ZSWIM6: variants seen among roughly 807,000 people sequenced by gnomAD.
ZSWIM6 encodes the protein zinc finger SWIM domain-containing protein 6.
A neutral mutation model predicts 113.2 loss-of-function variants in ZSWIM6; 9 were observed. That is an observed-to-expected ratio of 0.08 (90% CI 0.05 to 0.14). The LOEUF (loss-of-function observed/expected upper bound fraction) is 0.14. Ranked by LOEUF, ZSWIM6 falls within the 10% of genes least tolerant of loss-of-function variation. The pLI, the probability that ZSWIM6 is intolerant of heterozygous loss-of-function variation, is 1.00. For missense variants in ZSWIM6, 1,162 were observed against 1,552.2 expected (o/e 0.75, Z 4.22); for synonymous variants, 611 against 606.5 (o/e 1.01, Z -0.11).
intron 1 of ZSWIM6, among the ~76,000 whole-genome samples, chr5:61,346,192 C>T (rs2112032986): frequency 6.6e-6 from 1 of 152,236 alleles, no homozygotes; most frequent in Admixed American, 6.5e-5. Context: ...TCAGGTGATC[C>T]ACCCATCTCT....
chr5:61,513,182 G>C (rs765998313), intron 4 of ZSWIM6, among the ~76,000 whole-genome samples: 8 of 151,830 alleles, frequency 5.3e-5, no homozygotes, highest in African/African-American at 7.3e-5. Context: ...CATCTCCATA[G>C]TTTTCTCTTT....
At chr5:61,532,850 T>G (rs1462901573) in intron 9 of ZSWIM6, among the ~76,000 whole-genome samples, 2 of 152,198 alleles carry the variant, frequency 1.3e-5, no homozygotes, top group Non-Finnish European at 2.9e-5. Flanking sequence ...ATTCTTCAGT[T>G]ACTGTTTTCT....
intron 1 of ZSWIM6, among the ~76,000 whole-genome samples, chr5:61,425,830 G>T (rs1746453694): frequency 2.6e-5 from 4 of 152,218 alleles, no homozygotes. Context: ...ATATGGGCCT[G>T]GTGGCAGCAG....
At chr5:61,397,950 A>C (rs1057429881) in intron 1 of ZSWIM6, among the ~76,000 whole-genome samples, 2 of 152,190 alleles carry the variant, frequency 1.3e-5, no homozygotes, top group African/African-American at 4.8e-5. Context: ...AAGGAATATC[A>C]TTTTCATGTC....
At chr5:61,489,784 A>C (rs1014880136) in intron 2 of ZSWIM6, among the ~76,000 whole-genome samples, 11 of 152,128 alleles carry the variant, frequency 7.2e-5, no homozygotes, top group African/African-American at 2.6e-4. Context: ...TGACTGGCTG[A>C]ATGAATGAAT....
At chr5:61,414,696 C>T (rs1746211697) in intron 1 of ZSWIM6, among the ~76,000 whole-genome samples, 1 of 152,154 alleles carries the variant, frequency 6.6e-6, no homozygotes, top group South Asian at 2.1e-4. Context: ...CAAACTGAGG[C>T]AGTCAGCATG....
At chr5:61,455,827 C>A (rs1234037433) in intron 1 of ZSWIM6, among the ~76,000 whole-genome samples, 3 of 142,374 alleles carry the variant, frequency 2.1e-5, no homozygotes, top group Non-Finnish European at 4.5e-5. Flanking sequence ...TCTCCCCCCG[C>A]CCCCGCCCCC....
chr5:61,414,546 C>A lies in ZSWIM6; in HGVS notation c.677-58135C>A, dbSNP rs79273223. On this transcript the variant is annotated intron_variant, in intron 1 of 13. Transcript: ENST00000252744. ...GGAAAAAAGATATTTCCTGTGCCAA[C>A]TATAAAATTAGTTATGGTTTTTAAA... Among the ~76,000 whole-genome samples, 1,412 of 152,250 alleles carry A rather than the reference C, an allele frequency of 9.3e-3. 5 individuals are homozygous for A. The highest frequency in any genetic ancestry group is 0.023 in the African/African-American group (944 of 41,550).
intron 1 of ZSWIM6, among the ~76,000 whole-genome samples, chr5:61,357,026 A>G (rs1048264010): frequency 6.6e-6 from 1 of 151,696 alleles, no homozygotes; most frequent in African/African-American, 2.4e-5. Context: ...GTTCAATAGC[A>G]TCATCATCAC....
intron 1 of ZSWIM6, among the ~76,000 whole-genome samples, chr5:61,442,803 G>A (rs1381535965): frequency 6.6e-6 from 1 of 152,122 alleles, no homozygotes; most frequent in African/African-American, 2.4e-5. Context: ...TATGAATTCT[G>A]GAGAAATTAG....
intron 1 of ZSWIM6, among the ~76,000 whole-genome samples, chr5:61,394,811 A>AC (rs1745806328): frequency 6.6e-6 from 1 of 152,028 alleles, no homozygotes; most frequent in Non-Finnish European, 1.5e-5. Flanking sequence ...TGAAACAGTT[A>AC]CCCCCTTTTT....
At chr5:61,378,899 G>A (rs1745423733) in intron 1 of ZSWIM6, among the ~76,000 whole-genome samples, 1 of 152,026 alleles carries the variant, frequency 6.6e-6, no homozygotes, top group African/African-American at 2.4e-5. Context: ...ATGAAATTGG[G>A]CTGGGCACGA....
chr5:61,437,537 A>G (rs1479429048), intron 1 of ZSWIM6, among the ~76,000 whole-genome samples: 3 of 152,044 alleles, frequency 2.0e-5, no homozygotes, highest in Non-Finnish European at 4.4e-5. Context: ...AGCCTGCGCA[A>G]CATGGCAAAA....
intron 1 of ZSWIM6, among the ~76,000 whole-genome samples, chr5:61,392,551 T>C (rs1280033334): frequency 1.3e-5 from 2 of 152,208 alleles, no homozygotes; most frequent in Admixed American, 6.5e-5. Context: ...CATACACACG[T>C]GCCACTCTCA....
intron 1 of ZSWIM6, among the ~76,000 whole-genome samples, chr5:61,446,863 C>G (rs1195907443): frequency 6.6e-6 from 1 of 152,118 alleles, no homozygotes; most frequent in Non-Finnish European, 1.5e-5. Context: ...CACATGCACA[C>G]AGAAAGATCC....
At position 61,544,534 on chromosome 5, in the gene ZSWIM6, T is replaced by C. The variant is rs1341884317; in HGVS notation, c.*217T>C. On this transcript the variant is annotated 3_prime_UTR_variant, in exon 14 of 14. Coordinates refer to ENST00000252744, the MANE Select transcript of ZSWIM6 (RefSeq NM_020928.2). ...CTTTCTTTCCTTTATTTTATTATTTTTTTTAATTTTTTTTTTCTGGTTTTG... is the reference window on the plus strand; with the variant it reads ...CTTTCTTTCCTTTATTTTATTATTTCTTTTAATTTTTTTTTTCTGGTTTTG... 1 of 241,778 alleles carries C rather than the reference T, an allele frequency of 4.1e-6. No individual in the cohort carries two copies. The highest frequency in any genetic ancestry group is 7.8e-6 in the Non-Finnish European group (1 of 128,140). 15.0% of individuals were successfully genotyped at this position (241,778 alleles called of 1,614,324 possible).
rs866270646 is a variant in ZSWIM6 at position 61,384,165 on chromosome 5, C to T, written c.676+51217C>T. Among the ~76,000 whole-genome samples, 13 of 148,388 alleles carry T rather than the reference C, an allele frequency of 8.8e-5. No homozygotes were observed. The South Asian group carries it at 1.3e-3, about 15-fold the overall frequency. ...CTGAGGCAGGAGAATGGCGTGAACC[C>T]GGGAAGCGGAGCTTGCAGTGAGCCG... On this transcript the variant is annotated intron_variant, in intron 1 of 13. Coordinates refer to ENST00000252744, the MANE Select transcript of ZSWIM6 (RefSeq NM_020928.2).
intron 1 of ZSWIM6, among the ~76,000 whole-genome samples, chr5:61,438,785 A>G (rs894979233): frequency 3.3e-5 from 5 of 152,154 alleles, no homozygotes; most frequent in Non-Finnish European, 5.9e-5. Context: ...TTTTAGTCCT[A>G]TGGTCCATAG....
At chr5:61,499,177 G>A (rs1280770022) in intron 4 of ZSWIM6, among the ~76,000 whole-genome samples, 2 of 152,134 alleles carry the variant, frequency 1.3e-5, no homozygotes, top group Non-Finnish European at 2.9e-5. Context: ...AAAAGATGTC[G>A]GTACACACTT....
Sources: gnomAD v4.1 joint callset for allele counts (sites outside exome capture counted in the v4.1 genomes callset) on GRCh38, gnomAD v4.1.1 for gene constraint, MANE v1.5 for transcripts, NCBI Gene and HGNC (gene_info 2026-07-23, HGNC 2026-07-21) for gene names.